The following PADI4 variants were observed in gnomAD, a reference collection of about 807,000 sequenced individuals.
PADI4 encodes the protein protein-arginine deiminase type-4.
PADI4 carries 62 observed loss-of-function variants against 75.0 expected under a neutral mutation model. That is an observed-to-expected ratio of 0.83 (90% CI 0.67 to 1.02). PADI4 has a LOEUF of 1.02. Ranked by LOEUF, PADI4 falls within the 50% of genes least tolerant of loss-of-function variation. PADI4 has a pLI of 0.00. For synonymous variants in PADI4, 361 were observed against 348.1 expected (o/e 1.04, Z -0.41); for missense variants, 845 against 850.5 (o/e 0.99, Z 0.08).
chr1:17,354,626 ACAGT>A lies in PADI4; in HGVS notation c.1253_1256del (p.Val418GlyfsTer42). The A allele has an allele frequency of 6.2e-7, 1 of 1,614,076 alleles. No individual in the cohort carries two copies. The highest frequency in any genetic ancestry group is 2.2e-5 in the East Asian group (1 of 44,880). ...GAACCTGGAAGTGAGCCCCCCAGTCACAGTCAGGGGCAAGGAATACCCGCTGGGC... is the reference window on the plus strand; with the variant it reads ...GAACCTGGAAGTGAGCCCCCCAGTCACAGGGGCAAGGAATACCCGCTGGGC... On this transcript the variant is annotated frameshift_variant, in exon 11 of 16. Transcript: ENST00000375448. LOFTEE classifies it high-confidence loss of function.
At chr1:17,362,864 T>C (rs988694559) in intron 15 of PADI4, among the ~76,000 whole-genome samples, 4 of 152,324 alleles carry the variant, frequency 2.6e-5, no homozygotes, top group Admixed American at 2.0e-4. Flanking sequence ...TCTCGCTCTG[T>C]CACCCAGGCT....
chr1:17,359,247 T>G, intron 14 of PADI4, 33 bp from the exon 15 acceptor site: 2 of 471,066 alleles, frequency 4.2e-6, no homozygotes, highest in Non-Finnish European at 6.7e-6. Context: ...CTGCCATCAG[T>G]CCCCCACTCA....
Position 17,363,672 on chromosome 1 carries a change from C to T in PADI4, c.1909C>T (p.His637Tyr). The change falls in exon 16 of 16, where the codon CAC becomes TAC. Residue 637 changes from histidine (H) to tyrosine (Y), a missense_variant. Transcript: ENST00000375448. ...CTFINDFFTY[H>Y]IRHGEVHCGT... Reference sequence around the variant, plus strand: ...CTTCATCAACGACTTCTTCACCTACCACATCAGGCATGGGGAGGTGCACTG... The same window carrying T: ...CTTCATCAACGACTTCTTCACCTACTACATCAGGCATGGGGAGGTGCACTG... The T allele has an allele frequency of 6.2e-7, 1 of 1,614,216 alleles. No homozygotes were observed. The highest frequency in any genetic ancestry group is 8.5e-7 in the Non-Finnish European group (1 of 1,180,014).
intron 4 of PADI4, among the ~76,000 whole-genome samples, chr1:17,336,992 C>A (rs1280237585): frequency 6.6e-6 from 1 of 152,188 alleles, no homozygotes; most frequent in East Asian, 1.9e-4. Flanking sequence ...AATCTCTAGG[C>A]AGATATTAAC....
chr1:17,352,016 G>GACT lies in PADI4; in HGVS notation c.1156-2517_1156-2516insACT, dbSNP rs2074650808. 3.8e-3 allele frequency among the ~76,000 whole-genome samples: 44 copies of GACT among 11,610 alleles called. 3 individuals carry two copies. Among genetic ancestry groups the GACT allele is most frequent in the African/African-American group, 0.016 (26 of 1,592 alleles). The allele number at this position is 11,610 out of a possible 152,430, so 7.6% of individuals were successfully genotyped here. A position where few individuals can be genotyped will look rare whatever the true frequency, so the allele number is the denominator to read the frequency against. On this transcript the variant is annotated intron_variant, in intron 10 of 15. Coordinates refer to ENST00000375448, the MANE Select transcript of PADI4 (RefSeq NM_012387.3). ...CAGTCAGGGAGGTGATGGGAGGAGA[G>GACT]GCGGCCAGGGAGGTGATGGGAGGAG...
chr1:17,339,846 C>A, intron 6 of PADI4, 33 bp downstream of exon 6: 1 of 1,567,928 alleles, frequency 6.4e-7, no homozygotes, highest in East Asian at 2.4e-5. Context: ...CCCCTCCTGC[C>A]CTGGCCAACG....
At chr1:17,322,218 T>C (rs1339416852) in intron 1 of PADI4, among the ~76,000 whole-genome samples, 2 of 152,252 alleles carry the variant, frequency 1.3e-5, no homozygotes, top group Admixed American at 6.5e-5. Flanking sequence ...CTGGGCGTGG[T>C]GGCTCATGCC....
At chr1:17,340,202 G>T (rs2074392887) in intron 6 of PADI4, among the ~76,000 whole-genome samples, 1 of 152,092 alleles carries the variant, frequency 6.6e-6, no homozygotes, top group Admixed American at 6.6e-5. Flanking sequence ...CTGCAACTAA[G>T]TAGGTGCCAG....
intron 15 of PADI4, among the ~76,000 whole-genome samples, chr1:17,361,507 G>T (rs560712083): frequency 4.6e-5 from 7 of 152,348 alleles, no homozygotes; most frequent in Admixed American, 4.6e-4. Context: ...CACTTAGCAC[G>T]CATGGGCTGT....
chr1:17,315,878 G>C (rs993141789), intron 1 of PADI4, among the ~76,000 whole-genome samples: 1 of 151,852 alleles, frequency 6.6e-6, no homozygotes, highest in Non-Finnish European at 1.5e-5. Context: ...TCAACCCCCA[G>C]TCCCCACCCA....
intron 9 of PADI4, among the ~76,000 whole-genome samples, chr1:17,347,503 G>T (rs772209650): frequency 1.3e-5 from 2 of 152,106 alleles, no homozygotes; most frequent in Non-Finnish European, 2.9e-5. Context: ...GGAGGAGGCC[G>T]CGAGCTCTGG....
intron 1 of PADI4, among the ~76,000 whole-genome samples, chr1:17,328,839 A>G (rs2074157659): frequency 6.6e-6 from 1 of 151,918 alleles, no homozygotes; most frequent in Non-Finnish European, 1.5e-5. Flanking sequence ...AATATTTACC[A>G]TTTTATTTGT....
At chr1:17,359,499 G>A (rs1239814946) in intron 15 of PADI4, 91 bp downstream of exon 15, 2 of 1,557,204 alleles carry the variant, frequency 1.3e-6, no homozygotes, top group Admixed American at 1.8e-5. Flanking sequence ...GTCCCAGAGG[G>A]CTTGGCTCCT....
At position 17,346,674 on chromosome 1, in the gene PADI4, G is replaced by A. The variant is rs2074521715; in HGVS notation, c.1047+535G>A. Among the ~76,000 whole-genome samples, 1 of 152,026 alleles carries A rather than the reference G, an allele frequency of 6.6e-6. No individual in the cohort carries two copies. The highest frequency in any genetic ancestry group is 2.4e-5 in the African/African-American group (1 of 41,398). On this transcript the variant is annotated intron_variant, in intron 9 of 15. Coordinates refer to ENST00000375448, the MANE Select transcript of PADI4 (RefSeq NM_012387.3). This position sits in a 1 kb window ranked among gnomAD's most constrained non-coding sequence, Gnocchi z 4.3. ...CCCATCATGCCAGGAGTGCCCCAAG[G>A]ACTGAGACTGGGCCTCATCCAGCCT...
rs529482414 is a variant in PADI4 at position 17,350,229 on chromosome 1, C to G, written c.1155+2181C>G. 1.3e-3 allele frequency among the ~76,000 whole-genome samples: 170 copies of G among 129,568 alleles called. 20 individuals carry two copies. The highest frequency in any genetic ancestry group is 4.1e-3 in the African/African-American group (163 of 40,088). 85.0% of individuals were successfully genotyped at this position (129,568 alleles called of 152,430 possible). ...GGCAGCTGGCACAAAGCTTCACACACAGTGGTTGTTCTTCCTGTAAGCATC... is the reference window on the plus strand; with the variant it reads ...GGCAGCTGGCACAAAGCTTCACACAGAGTGGTTGTTCTTCCTGTAAGCATC... On this transcript the variant is annotated intron_variant, in intron 10 of 15. Transcript: ENST00000375448.
chr1:17,363,389 C>G (rs573126501), intron 15 of PADI4, 133 bp from the exon 16 acceptor site: 1 of 634,138 alleles, frequency 1.6e-6, no homozygotes. Context: ...TCCCAAAGTG[C>G]TGGGACTACA....
Position 17,348,054 on chromosome 1 carries a change from T to A in PADI4, c.1155+6T>A, listed in dbSNP as rs1190316143. On this transcript the variant is annotated splice_donor_region_variant and intron_variant, in intron 10 of 15. Transcript: ENST00000375448. Reference sequence around the variant, plus strand: ...TTCCCATCAAACGCGTGATGGTACCTGCATGGGGTGGGGAGGGGGCACAGC... The same window carrying A: ...TTCCCATCAAACGCGTGATGGTACCAGCATGGGGTGGGGAGGGGGCACAGC... The A allele has an allele frequency of 1.3e-6, 2 of 1,547,998 alleles. No homozygotes were observed. Among genetic ancestry groups the A allele is most frequent in the South Asian group, 2.2e-5 (2 of 89,528 alleles).
chr1:17,336,828 G>C (rs1635593), intron 4 of PADI4, among the ~76,000 whole-genome samples: 96,979 of 152,016 alleles, frequency 0.64, 31,160 homozygotes, highest in Non-Finnish European at 0.67. Flanking sequence ...TGTGGGGTCA[G>C]CAAAAGTGGG....
At position 17,356,497 on chromosome 1, in the gene PADI4, T is replaced by G; in HGVS notation, c.1558+38T>G. The G allele has an allele frequency of 3.4e-6, 4 of 1,180,840 alleles. No homozygotes were observed. The highest frequency in any genetic ancestry group is 3.8e-6 in the Non-Finnish European group (3 of 796,210). 73.1% of individuals were successfully genotyped at this position (1,180,840 alleles called of 1,614,324 possible). A position where few individuals can be genotyped will look rare whatever the true frequency, so the allele number is the denominator to read the frequency against. On this transcript the variant is annotated intron_variant, in intron 13 of 15. Coordinates refer to ENST00000375448, the MANE Select transcript of PADI4 (RefSeq NM_012387.3). The surrounding 1 kb of genome is among the most constrained non-coding windows in gnomAD (Gnocchi z 4.1). ...TGCCTTGTTCTCCTGTCTGTGCACCTTCCTGCTTCCCATAGTCCGCTGTTG... is the reference window on the plus strand; with the variant it reads ...TGCCTTGTTCTCCTGTCTGTGCACCGTCCTGCTTCCCATAGTCCGCTGTTG...
Sources: gnomAD v4.1 joint callset for allele counts (sites outside exome capture counted in the v4.1 genomes callset) on GRCh38, gnomAD v4.1.1 for gene constraint, Gnocchi (gnomAD v3.1) non-coding constraint, MANE v1.5 for transcripts, NCBI Gene and HGNC (gene_info 2026-07-23, HGNC 2026-07-21) for gene names.